NUBPL: variants seen among roughly 807,000 people sequenced by gnomAD.
The protein encoded by NUBPL is NUBP iron-sulfur cluster assembly factor, mitochondrial, also known as iron-sulfur cluster transfer protein NUBPL.
A neutral mutation model predicts 45.7 loss-of-function variants in NUBPL; 31 were observed. The observed-to-expected ratio is 0.68, with a 90% CI of 0.51 to 0.92. The LOEUF (loss-of-function observed/expected upper bound fraction) is 0.92. Among genes scored for constraint, NUBPL ranks in the 40% least tolerant of loss-of-function variants. The probability of loss-of-function intolerance (pLI) is 0.00; values close to 1 mark genes in which losing one functional copy is unlikely to be tolerated. For synonymous variants in NUBPL, 144 were observed against 140.9 expected, an observed-to-expected ratio of 1.02 and a Z score of -0.15; for missense variants, 401 against 398.7, an observed-to-expected ratio of 1.01 and a Z score of -0.05.
At chr14:31,630,016 A>G (rs1157198954) in intron 4 of NUBPL, among the ~76,000 whole-genome samples, 2 of 152,218 alleles carry the variant, frequency 1.3e-5, no homozygotes, top group Non-Finnish European at 2.9e-5. Context: ...CTGAAAATTA[A>G]GTGAAATAAT....
At chr14:31,855,746 T>C (rs1399117285) in intron 10 of NUBPL, among the ~76,000 whole-genome samples, 3 of 152,126 alleles carry the variant, frequency 2.0e-5, no homozygotes, top group Admixed American at 1.3e-4. Flanking sequence ...GAAACACTCT[T>C]AAAGCACTTC....
At chr14:31,842,399 A>G (rs1323060865) in intron 8 of NUBPL, among the ~76,000 whole-genome samples, 1 of 152,224 alleles carries the variant, frequency 6.6e-6, no homozygotes, top group African/African-American at 2.4e-5. Flanking sequence ...GAGAAGTTAC[A>G]TATTATCAGT....
intron 6 of NUBPL, among the ~76,000 whole-genome samples, chr14:31,735,132 C>T (rs1279203548): frequency 2.0e-5 from 3 of 152,158 alleles, no homozygotes; most frequent in Non-Finnish European, 4.4e-5. Context: ...TGTCTGTAGA[C>T]GTTACCAAAT....
At chr14:31,762,346 A>G (rs2038829205) in intron 6 of NUBPL, among the ~76,000 whole-genome samples, 1 of 152,226 alleles carries the variant, frequency 6.6e-6, no homozygotes, top group African/African-American at 2.4e-5. Flanking sequence ...AGAAAAGCTT[A>G]GGATGAGTAG....
At chr14:31,610,588 A>G (rs2034726219) in intron 4 of NUBPL, among the ~76,000 whole-genome samples, 1 of 146,376 alleles carries the variant, frequency 6.8e-6, no homozygotes, top group Admixed American at 7.0e-5. Context: ...CCCTGATATC[A>G]AAACCAGAGA....
chr14:31,673,289 C>T (rs553689079), intron 4 of NUBPL, 66 bp from the exon 5 acceptor site: 2 of 1,361,940 alleles, frequency 1.5e-6, no homozygotes, highest in East Asian at 2.4e-5. Flanking sequence ...GAAAAAAAAA[C>T]CCAATTCAGA....
chr14:31,808,108 T>C (rs2039726269), intron 7 of NUBPL, among the ~76,000 whole-genome samples: 1 of 152,230 alleles, frequency 6.6e-6, no homozygotes, highest in African/African-American at 2.4e-5. Flanking sequence ...CGATGCGGAC[T>C]CTTTTTTGGT....
intron 4 of NUBPL, among the ~76,000 whole-genome samples, chr14:31,671,683 T>C (rs926619921): frequency 6.6e-6 from 1 of 152,154 alleles, no homozygotes; most frequent in Non-Finnish European, 1.5e-5. Context: ...AAATTAGGTA[T>C]GGGGAGATTG....
intron 7 of NUBPL, among the ~76,000 whole-genome samples, chr14:31,824,378 C>T (rs962750617): frequency 3.9e-5 from 6 of 151,992 alleles, no homozygotes; most frequent in Admixed American, 6.6e-5. Context: ...ATAATCTTCC[C>T]GCACCCCATA....
Position 31,571,803 on chromosome 14 carries a change from T to C in NUBPL, c.291+6755T>C, listed in dbSNP as rs138387599. ...GTAACACTGTTGATTTGTATTATTA[T>C]TGCACTCATGCAGCCATTCTGATAA... On this transcript the variant is annotated intron_variant, in intron 3 of 10. Transcript: ENST00000281081. Among the ~76,000 whole-genome samples, 306 of 152,296 alleles carry C rather than the reference T, an allele frequency of 2.0e-3. 1 individual carries two copies. The highest frequency in any genetic ancestry group is 6.8e-3 in the African/African-American group (282 of 41,576).
At chr14:31,682,685 T>C (rs1292969857) in intron 6 of NUBPL, among the ~76,000 whole-genome samples, 1 of 152,228 alleles carries the variant, frequency 6.6e-6, no homozygotes, top group African/African-American at 2.4e-5. Flanking sequence ...ATTATTATTC[T>C]ATGACTGCTT....
At chr14:31,627,426 A>G (rs980615968) in intron 4 of NUBPL, among the ~76,000 whole-genome samples, 4 of 152,030 alleles carry the variant, frequency 2.6e-5, no homozygotes, top group African/African-American at 9.7e-5. Flanking sequence ...GTATTTCATT[A>G]TAGCATAATA....
At chr14:31,766,788 C>T (rs1485894894) in intron 6 of NUBPL, among the ~76,000 whole-genome samples, 1 of 152,136 alleles carries the variant, frequency 6.6e-6, no homozygotes, top group Non-Finnish European at 1.5e-5. Context: ...GCCTACGATT[C>T]TTTAAATTCC....
intron 7 of NUBPL, among the ~76,000 whole-genome samples, chr14:31,822,973 A>G (rs2040042312): frequency 6.6e-6 from 1 of 152,160 alleles, no homozygotes; most frequent in Non-Finnish European, 1.5e-5. Context: ...TATTAAAATA[A>G]TGTCCCTGAA....
At chr14:31,710,831 G>A (rs2037555008) in intron 6 of NUBPL, among the ~76,000 whole-genome samples, 1 of 152,186 alleles carries the variant, frequency 6.6e-6, no homozygotes. Context: ...CTTGTCTGAG[G>A]AGGGATCCTA....
At position 31,739,075 on chromosome 14, in the gene NUBPL, G is replaced by A. The variant is rs374924131; in HGVS notation, c.514-48705G>A. Among the ~76,000 whole-genome samples the A allele has an allele frequency of 1.6e-4, 24 of 150,470 alleles. No homozygotes were observed. The East Asian group carries it at 2.9e-3, about 18-fold the overall frequency. On this transcript the variant is annotated intron_variant, in intron 6 of 10. Transcript: ENST00000281081. ...GTCACCCAGGCTGGAGTGCAGTGGC[G>A]CAATCTCAGCTCACTGCAACCTCCG... is the stretch of plus-strand genomic sequence containing the variant.
At chr14:31,851,067 A>G (rs1394210720) in intron 10 of NUBPL, among the ~76,000 whole-genome samples, 1 of 152,194 alleles carries the variant, frequency 6.6e-6, no homozygotes, top group East Asian at 1.9e-4. Flanking sequence ...ATCTTTAAGC[A>G]TAAAATATTT....
chr14:31,691,214 A>G (rs761503662), intron 6 of NUBPL, among the ~76,000 whole-genome samples: 3 of 152,214 alleles, frequency 2.0e-5, no homozygotes, highest in Non-Finnish European at 4.4e-5. Flanking sequence ...AGCCTACTCA[A>G]TGTGAAGATC....
chr14:31,820,487 A>C (rs532163940), intron 7 of NUBPL, among the ~76,000 whole-genome samples: 1 of 152,314 alleles, frequency 6.6e-6, no homozygotes, highest in South Asian at 2.1e-4. Flanking sequence ...GTTAAGTCGA[A>C]TGATACAGTA....
Sources: allele counts gnomAD v4.1 joint callset (sites outside exome capture counted in the v4.1 genomes callset), GRCh38; gene constraint gnomAD v4.1.1; transcripts MANE v1.5; gene names NCBI Gene and HGNC (gene_info 2026-07-23, HGNC 2026-07-21).